The following RUSC1 variants were observed in gnomAD, a reference collection of about 807,000 sequenced individuals.
The protein encoded by RUSC1 is AP-4 complex accessory subunit RUSC1.
A neutral mutation model predicts 72.1 loss-of-function variants in RUSC1; 40 were observed. That is an observed-to-expected ratio of 0.55 (90% CI 0.43 to 0.72). The LOEUF is 0.72. Among genes scored for constraint, RUSC1 ranks in the 30% least tolerant of loss-of-function variants. RUSC1 has a pLI of 0.00. For synonymous variants in RUSC1, 512 were observed against 494.2 expected (o/e 1.04, Z -0.48); for missense variants, 1,092 against 1,172.3 (o/e 0.93, Z 1.00).
intron 1 of RUSC1, 179 bp downstream of exon 1, chr1:155,321,170 C>T (rs745963454): frequency 1.0e-5 from 14 of 1,373,062 alleles, no homozygotes; most frequent in African/African-American, 1.5e-5. Flanking sequence ...GGCTGGAGCC[C>T]GGCCGAGGCA....
chr1:155,322,822 C>G lies in RUSC1; in HGVS notation c.1049C>G (p.Thr350Ser). The G allele has an allele frequency of 6.2e-7, 1 of 1,613,766 alleles. No individual in the cohort carries two copies. Among genetic ancestry groups the G allele is most frequent in the Non-Finnish European group, 8.5e-7 (1 of 1,179,896 alleles). The stretch of plus-strand genomic sequence containing the variant: ...TGGCTCATAGTCTTCTCGCCCGACA[C>G]CGAGCTCCCCCCCTCGGGGTCGCCG... Reference protein sequence around the residue: ...SDWLIVFSPDTELPPSGSPGG... With the variant: ...SDWLIVFSPDSELPPSGSPGG... Residue 350 changes from threonine to serine, a missense_variant, in exon 2 of 10, where the codon ACC becomes AGC. Transcript: ENST00000368352.
chr1:155,324,867 C>T lies in RUSC1; in HGVS notation c.1380C>T (p.Ala460=), dbSNP rs1651126778. 1.2e-6 allele frequency: 2 copies of T among 1,614,232 alleles called. No homozygotes were observed. The highest frequency in any genetic ancestry group is 1.7e-6 in the Non-Finnish European group (2 of 1,180,036). Residue 460 remains alanine, a synonymous_variant, in exon 3 of 10, where the codon GCC becomes GCT. Transcript: ENST00000368352. ...CAGTCCGTAGTTCGTGGTCCTTCGC[C>T]GGTGTCCCCGGAGCCCAGCGGCTGT... ...GLEVRSSWSF[A]GVPGAQRLWM...
In RUSC1 at chr1:155,330,672, G is replaced by A. The variant is rs945632386; in HGVS notation, c.*101G>A. ...AAGCATTTTCCCTCTGCAAAATGACGTTTCTTCCCACGTCTGTTTCTGCTA... is the reference window on the plus strand; with the variant it reads ...AAGCATTTTCCCTCTGCAAAATGACATTTCTTCCCACGTCTGTTTCTGCTA... On this transcript the variant is annotated 3_prime_UTR_variant, in exon 10 of 10. Transcript: ENST00000368352. 133 of 1,171,682 alleles carry A rather than the reference G, an allele frequency of 1.1e-4. No homozygotes were observed. Among genetic ancestry groups the A allele is most frequent in the Non-Finnish European group, 1.4e-4 (124 of 855,280 alleles). The allele number at this position is 1,171,682 out of a possible 1,614,324, so 72.6% of individuals were successfully genotyped here. A position where few individuals can be genotyped will look rare whatever the true frequency, so the allele number is the denominator to read the frequency against.
In RUSC1 at chr1:155,325,439, G is replaced by T; in HGVS notation, c.1657G>T (p.Gly553Trp). The T allele has an allele frequency of 6.3e-7, 1 of 1,592,344 alleles. No homozygotes were observed. Residue 553 changes from glycine (G) to tryptophan (W), a missense_variant, in exon 5 of 10, where the codon GGG (glycine) becomes TGG (tryptophan). Transcript: ENST00000368352. This position sits in a 1 kb window ranked among gnomAD's most constrained non-coding sequence, Gnocchi z 6.5. Reference sequence around the variant, plus strand: ...GCCTTTCCGGAAGGACCTCATCACCGGGCAGCGCAGGAGCAGCCCCTGGAG... The same window carrying T: ...GCCTTTCCGGAAGGACCTCATCACCTGGCAGCGCAGGAGCAGCCCCTGGAG... ...LKPFRKDLIT[G>W]QRRSSPWSVV...
rs1355202669 is a variant in RUSC1 at position 155,326,350 on chromosome 1, G to C, written c.1862-230G>C. The C allele has an allele frequency of 1.2e-5, 7 of 583,568 alleles. No individual in the cohort carries two copies. The Admixed American group carries it at 2.1e-4, about 18-fold the overall frequency. 36.1% of individuals were successfully genotyped at this position (583,568 alleles called of 1,614,324 possible). A position where few individuals can be genotyped will look rare whatever the true frequency, so the allele number is the denominator to read the frequency against. Reference sequence around the variant, plus strand: ...CCTGTCCTCCTCCTCTGTAGCCTTTGCACTGTCTCTGTTACTTGTCACCAC... The same window carrying C: ...CCTGTCCTCCTCCTCTGTAGCCTTTCCACTGTCTCTGTTACTTGTCACCAC... On this transcript the variant is annotated intron_variant, in intron 7 of 9. Coordinates refer to ENST00000368352, the MANE Select transcript of RUSC1 (RefSeq NM_001105203.2). This position sits in a 1 kb window ranked among gnomAD's most constrained non-coding sequence, Gnocchi z 4.7.
chr1:155,324,215 C>G (rs1390824392), intron 2 of RUSC1: 3 of 1,420,448 alleles, frequency 2.1e-6, no homozygotes, highest in Non-Finnish European at 2.8e-6. Context: ...GAGGGTGAAG[C>G]TCCCGGGAGC....
chr1:155,328,037 T>C, intron 8 of RUSC1, 113 bp from the exon 9 acceptor site: 1 of 1,383,624 alleles, frequency 7.2e-7, no homozygotes, highest in Non-Finnish European at 9.8e-7. Context: ...GACTAACCCC[T>C]GACCTCTTTT....
At chr1:155,321,079 GAA>G (rs758492513) in intron 1 of RUSC1, 88 bp downstream of exon 1, 29 of 1,410,462 alleles carry the variant, frequency 2.1e-5, no homozygotes, top group Non-Finnish European at 2.7e-5. Context: ...AATGAATAGA[GAA>G]AGGGTGCGGT....
chr1:155,325,438 C>T lies in RUSC1; in HGVS notation c.1656C>T (p.Thr552=), dbSNP rs1651251573. Residue 552 remains threonine, a synonymous_variant, in exon 5 of 10, where the codon ACC becomes ACT. Transcript: ENST00000368352. The surrounding 1 kb of genome is among the most constrained non-coding windows in gnomAD (Gnocchi z 6.5). The stretch of plus-strand genomic sequence containing the variant: ...AGCCTTTCCGGAAGGACCTCATCAC[C>T]GGGCAGCGCAGGAGCAGCCCCTGGA... ...GLKPFRKDLI[T]GQRRSSPWSV... 1.3e-6 allele frequency: 2 copies of T among 1,591,982 alleles called. No individual in the cohort carries two copies. The highest frequency in any genetic ancestry group is 1.3e-5 in the African/African-American group (1 of 74,604).
chr1:155,326,695 C>A lies in RUSC1; in HGVS notation c.1977C>A (p.Phe659Leu). Residue 659 changes from phenylalanine to leucine, a missense_variant, in exon 8 of 10, where the codon TTC (phenylalanine) becomes TTA (leucine). Coordinates refer to ENST00000368352, the MANE Select transcript of RUSC1 (RefSeq NM_001105203.2). This position sits in a 1 kb window ranked among gnomAD's most constrained non-coding sequence, Gnocchi z 4.7. ...TGCAGCCATTGTCGGTGCTCACTTT[C>A]CACCTGGACCTGCTCTTTGAGCACC... The part of the protein sequence containing the change: ...LLLQPLSVLT[F>L]HLDLLFEHHH... The A allele has an allele frequency of 6.2e-7, 1 of 1,613,712 alleles. No individual in the cohort carries two copies. The highest frequency in any genetic ancestry group is 8.5e-7 in the Non-Finnish European group (1 of 1,180,036).
At chr1:155,321,665 GC>G in intron 1 of RUSC1, 22 bp from the exon 2 acceptor site, 2 of 1,456,528 alleles carry the variant, frequency 1.4e-6, no homozygotes. Context: ...CACTGGCCGG[GC>G]TTCACCACCT....
chr1:155,325,189 C>CT lies in RUSC1; in HGVS notation c.1533+12dup. ...AACTTGGTGCAGAAGGTGAAGGTGGCTGGGGGGAGGCTGTTGGGATGAGGA... is the reference window on the plus strand; with the variant it reads ...AACTTGGTGCAGAAGGTGAAGGTGGCTTGGGGGGAGGCTGTTGGGATGAGGA... On this transcript the variant is annotated intron_variant, in intron 4 of 9. Coordinates refer to ENST00000368352, the MANE Select transcript of RUSC1 (RefSeq NM_001105203.2). This position sits in a 1 kb window ranked among gnomAD's most constrained non-coding sequence, Gnocchi z 6.5. 1 of 1,614,158 alleles carries CT rather than the reference C, an allele frequency of 6.2e-7. No individual in the cohort carries two copies. Among genetic ancestry groups the CT allele is most frequent in the Non-Finnish European group, 8.5e-7 (1 of 1,180,020 alleles).
rs745574763 is a variant in RUSC1 at position 155,325,225 on chromosome 1, G to A, written c.1533+47G>A. The A allele has an allele frequency of 6.2e-7, 1 of 1,613,568 alleles. No individual in the cohort carries two copies. The highest frequency in any genetic ancestry group is 2.2e-5 in the East Asian group (1 of 44,884). ...CTGTTGGGATGAGGAGAGTAATGGA[G>A]CTCCGCGGGGGGTGCGGGAATGGTT... On this transcript the variant is annotated intron_variant, in intron 4 of 9. Coordinates refer to ENST00000368352, the MANE Select transcript of RUSC1 (RefSeq NM_001105203.2). The surrounding 1 kb of genome is among the most constrained non-coding windows in gnomAD (Gnocchi z 6.5).
At chr1:155,329,817 T>C (rs1323196447) in intron 9 of RUSC1, among the ~76,000 whole-genome samples, 1 of 151,020 alleles carries the variant, frequency 6.6e-6, no homozygotes, top group Non-Finnish European at 1.5e-5. Context: ...TAGCCAGGCG[T>C]GGTGGTGGTG....
Position 155,325,774 on chromosome 1 carries a change from C to T in RUSC1, c.1815-90C>T, listed in dbSNP as rs567293107. On this transcript the variant is annotated intron_variant, in intron 6 of 9. Transcript: ENST00000368352. This position sits in a 1 kb window ranked among gnomAD's most constrained non-coding sequence, Gnocchi z 6.5. ...GCCTCACATCCCCAGAGAAGGCCCC[C>T]CCTCTTCCAATCTCATCTCCCATCC... 15 of 1,582,352 alleles carry T rather than the reference C, an allele frequency of 9.5e-6. No homozygotes were observed. The highest frequency in any genetic ancestry group is 6.7e-5 in the East Asian group (3 of 44,704).
Position 155,322,731 on chromosome 1 carries a change from G to A in RUSC1, c.958G>A (p.Ala320Thr). 1 of 1,614,204 alleles carries A rather than the reference G, an allele frequency of 6.2e-7. No homozygotes were observed. Among genetic ancestry groups the A allele is most frequent in the East Asian group, 2.2e-5 (1 of 44,884 alleles). The stretch of plus-strand genomic sequence containing the variant: ...GACAATCACGTCCTTCCACGAGCTG[G>A]CCCAGAAGCGCAAGCGGGGCCCAGG... ...HRTITSFHEL[A>T]QKRKRGPGLP... Residue 320 changes from alanine to threonine, a missense_variant, in exon 2 of 10, where the codon GCC (alanine) becomes ACC (threonine). Physicochemically the swap from Ala to Thr is moderately conservative, Grantham distance 58 (BLOSUM62 0). Transcript: ENST00000368352.
At position 155,327,227 on chromosome 1, in the gene RUSC1, A is replaced by G. The variant is rs1036028806; in HGVS notation, c.2414+95A>G. The G allele has an allele frequency of 5.4e-6, 7 of 1,295,734 alleles. No individual in the cohort carries two copies. In the African/African-American group the frequency reaches 1.0e-4, roughly 19 times the overall value. The allele number at this position is 1,295,734 out of a possible 1,614,324, so 80.3% of individuals were successfully genotyped here. On this transcript the variant is annotated intron_variant, in intron 8 of 9. Coordinates refer to ENST00000368352, the MANE Select transcript of RUSC1 (RefSeq NM_001105203.2). Reference sequence around the variant, plus strand: ...CTCTCTAGTGATGATCCTTTAGGGCAGAGATTGGCGGTCTGTTTTTCTACA... The same window carrying G: ...CTCTCTAGTGATGATCCTTTAGGGCGGAGATTGGCGGTCTGTTTTTCTACA...
At position 155,330,288 on chromosome 1, in the gene RUSC1, G is replaced by C. The variant is rs535561738; in HGVS notation, c.2541-115G>C. On this transcript the variant is annotated intron_variant, in intron 9 of 9. Coordinates refer to ENST00000368352, the MANE Select transcript of RUSC1 (RefSeq NM_001105203.2). ...TGAATGGTTCTCAAGTCCTTCCAGA[G>C]CCCAGTCAATGTCCACTGAGCCAAA... 2.8e-5 allele frequency: 28 copies of C among 1,014,596 alleles called. No individual in the cohort carries two copies. The African/African-American group carries it at 4.2e-4, about 15-fold the overall frequency. The allele number at this position is 1,014,596 out of a possible 1,614,324, so 62.8% of individuals were successfully genotyped here. A position where few individuals can be genotyped will look rare whatever the true frequency, so the allele number is the denominator to read the frequency against.
At position 155,328,248 on chromosome 1, in the gene RUSC1, C is replaced by T. The variant is rs370099643; in HGVS notation, c.2513C>T (p.Ser838Leu). 1.1e-5 allele frequency: 17 copies of T among 1,613,182 alleles called. No homozygotes were observed. The highest frequency in any genetic ancestry group is 1.3e-5 in the Non-Finnish European group (15 of 1,179,640). ...CCTTCTCCTCAGGAGCTTGAGGCCT[C>T]AGCACCCAGGATGGTGCAAACCCAT... ...EMPSPQELEA[S>L]APRMVQTHRA... is the part of the protein sequence containing the mutation. Residue 838 changes from serine (S) to leucine (L), a missense_variant, in exon 9 of 10, where the codon TCA becomes TTA. Coordinates refer to ENST00000368352, the MANE Select transcript of RUSC1 (RefSeq NM_001105203.2).
Sources: gnomAD v4.1 joint callset for allele counts (sites outside exome capture counted in the v4.1 genomes callset) on GRCh38, gnomAD v4.1.1 for gene constraint, Gnocchi (gnomAD v3.1) non-coding constraint, MANE v1.5 for transcripts, NCBI Gene and HGNC (gene_info 2026-07-23, HGNC 2026-07-21) for gene names.